The following PRKG1 variants were observed in gnomAD, a reference collection of about 807,000 sequenced individuals.
The protein encoded by PRKG1 is cGMP-dependent protein kinase 1.
PRKG1 carries 35 observed loss-of-function variants against 88.1 expected under a neutral mutation model. The observed-to-expected ratio is 0.40, with a 90% CI of 0.30 to 0.53. The LOEUF is 0.53. PRKG1 is among the 20% of genes least tolerant of loss of function. The pLI is 0.59. For synonymous variants in PRKG1, 303 were observed against 292.5 expected (o/e 1.04, Z -0.37); for missense variants, 540 against 839.8 (o/e 0.64, Z 4.41).
chr10:51,208,481 G>C (rs1217739787), intron 2 of PRKG1, among the ~76,000 whole-genome samples: 2 of 152,130 alleles, frequency 1.3e-5, no homozygotes, highest in Non-Finnish European at 2.9e-5. Context: ...TTGGTATGTA[G>C]GAATGCATGT....
chr10:51,913,890 G>A (rs1322069283), intron 5 of PRKG1, among the ~76,000 whole-genome samples: 1 of 152,092 alleles, frequency 6.6e-6, no homozygotes, highest in East Asian at 1.9e-4. Flanking sequence ...TTTATAAACT[G>A]GTTGCATTAA....
intron 2 of PRKG1, among the ~76,000 whole-genome samples, chr10:51,162,971 A>C (rs1846405534): frequency 6.6e-6 from 1 of 152,120 alleles, no homozygotes; most frequent in Non-Finnish European, 1.5e-5. Context: ...CCCTTGCCTC[A>C]GGCTCTCAAA....
chr10:51,980,522 T>C lies in PRKG1; in HGVS notation c.762+72952T>C, dbSNP rs748031853. On this transcript the variant is annotated intron_variant, in intron 5 of 17. Transcript: ENST00000373980. ...CATTTGATCCAGTACTGAGTTCAGTTCTTCAATATCTTTGTTAATTTTTTG... is the reference window on the plus strand; with the variant it reads ...CATTTGATCCAGTACTGAGTTCAGTCCTTCAATATCTTTGTTAATTTTTTG... Among the ~76,000 whole-genome samples the C allele has an allele frequency of 1.1e-3, 162 of 152,174 alleles. 4 individuals carry two copies. The highest frequency in any genetic ancestry group is 2.4e-4 in the Non-Finnish European group (16 of 68,022).
At chr10:52,041,090 C>T (rs961848239) in intron 5 of PRKG1, among the ~76,000 whole-genome samples, 5 of 152,000 alleles carry the variant, frequency 3.3e-5, no homozygotes, top group Admixed American at 6.6e-5. Context: ...CTGCCCACCT[C>T]GGCCTCCCAA....
intron 3 of PRKG1, among the ~76,000 whole-genome samples, chr10:51,633,794 T>C (rs991175174): frequency 1.3e-4 from 20 of 152,292 alleles, no homozygotes; most frequent in Admixed American, 5.9e-4. Flanking sequence ...CTTATAAATG[T>C]TGGCTCAATT....
rs554655024 is a variant in PRKG1, at chr10:51,492,192, A to G, written c.592+24356A>G. 5.3e-5 allele frequency among the ~76,000 whole-genome samples: 8 copies of G among 152,322 alleles called. No individual in the cohort carries two copies. The South Asian group carries it at 1.7e-3, about 32-fold the overall frequency. Reference sequence around the variant, plus strand: ...GCTCTAAGGTAGTTTTGAGCTGGATAGATGACACCACTGGTCCAACTTGAA... The same window carrying G: ...GCTCTAAGGTAGTTTTGAGCTGGATGGATGACACCACTGGTCCAACTTGAA... On this transcript the variant is annotated intron_variant, in intron 3 of 17. Coordinates refer to ENST00000373980, the MANE Select transcript of PRKG1 (RefSeq NM_006258.4).
chr10:51,271,244 TGAA>T (rs1166328365), intron 2 of PRKG1, among the ~76,000 whole-genome samples: 1 of 151,900 alleles, frequency 6.6e-6, no homozygotes, highest in African/African-American at 2.4e-5. Flanking sequence ...TTTATCCTAT[TGAA>T]GAAGAAATAT....
chr10:51,498,120 C>T (rs1057174902), intron 3 of PRKG1, among the ~76,000 whole-genome samples: 3 of 152,040 alleles, frequency 2.0e-5, no homozygotes, highest in African/African-American at 7.2e-5. Context: ...TTTGGAGAAC[C>T]TATTCGGTGT....
At chr10:51,031,539 G>A (rs550974892) in intron 1 of PRKG1, among the ~76,000 whole-genome samples, 1 of 152,282 alleles carries the variant, frequency 6.6e-6, no homozygotes, top group South Asian at 2.1e-4. Flanking sequence ...GGGAAAGAAT[G>A]AGGAAGAAGG....
chr10:51,427,767 A>C (rs1190917750), intron 2 of PRKG1, among the ~76,000 whole-genome samples: 3 of 152,176 alleles, frequency 2.0e-5, no homozygotes, highest in African/African-American at 4.8e-5. Flanking sequence ...CCATTTCACC[A>C]AAGGTTTCAG....
At chr10:51,535,627 A>G (rs2132102214) in intron 3 of PRKG1, among the ~76,000 whole-genome samples, 1 of 152,326 alleles carries the variant, frequency 6.6e-6, no homozygotes, top group East Asian at 1.9e-4. Context: ...CTTAAATGAG[A>G]AGGCAACAAT....
intron 1 of PRKG1, among the ~76,000 whole-genome samples, chr10:51,039,391 A>C (rs1843392231): frequency 6.6e-6 from 1 of 152,190 alleles, no homozygotes; most frequent in Non-Finnish European, 1.5e-5. Flanking sequence ...CTTTTGGGAA[A>C]TGTCTCTTCA....
At chr10:52,281,273 C>A (rs986304647) in intron 13 of PRKG1, among the ~76,000 whole-genome samples, 6 of 151,876 alleles carry the variant, frequency 4.0e-5, no homozygotes, top group African/African-American at 1.5e-4. Flanking sequence ...TTATGGAAAA[C>A]CATAAATCAT....
At chr10:51,007,255 T>G (rs1842951074) in intron 1 of PRKG1, among the ~76,000 whole-genome samples, 2 of 152,128 alleles carry the variant, frequency 1.3e-5, no homozygotes, top group African/African-American at 4.8e-5. Flanking sequence ...GGGCCTGAGA[T>G]TCTTAATTTG....
chr10:51,230,293 G>A (rs1838808526), intron 2 of PRKG1, among the ~76,000 whole-genome samples: 1 of 152,148 alleles, frequency 6.6e-6, no homozygotes, highest in African/African-American at 2.4e-5. Context: ...ATGCATAGAG[G>A]CTTTCTGGGA....
chr10:51,979,094 G>T (rs959011734), intron 5 of PRKG1, among the ~76,000 whole-genome samples: 3 of 152,066 alleles, frequency 2.0e-5, no homozygotes, highest in Non-Finnish European at 4.4e-5. Flanking sequence ...TTGTCTGCGG[G>T]ATTGTCATAG....
rs1361423620 is a variant in PRKG1, at chr10:52,095,836, T to C, written c.935+33205T>C. Among the ~76,000 whole-genome samples, 4 of 152,192 alleles carry C rather than the reference T, an allele frequency of 2.6e-5. No individual in the cohort carries two copies. The East Asian group carries it at 7.7e-4, about 29-fold the overall frequency. The stretch of plus-strand genomic sequence containing the variant: ...AGCTTTCATGTTGCTCAAATTTAGC[T>C]AGTGATCAGGTTTACTACGAATGTA... On this transcript the variant is annotated intron_variant, in intron 7 of 17. Transcript: ENST00000373980.
intron 9 of PRKG1, among the ~76,000 whole-genome samples, chr10:52,218,510 C>T (rs1026764586): frequency 3.3e-5 from 5 of 151,870 alleles, no homozygotes; most frequent in African/African-American, 1.2e-4. Flanking sequence ...CTTTTTGATT[C>T]AACATAAACT....
intron 2 of PRKG1, among the ~76,000 whole-genome samples, chr10:51,223,371 A>C (rs1838603665): frequency 6.6e-6 from 1 of 152,152 alleles, no homozygotes; most frequent in African/African-American, 2.4e-5. Context: ...TGAAGACAGA[A>C]ATTTTTGTCT....
Sources: gnomAD v4.1 joint callset for allele counts (sites outside exome capture counted in the v4.1 genomes callset) on GRCh38, gnomAD v4.1.1 for gene constraint, MANE v1.5 for transcripts, NCBI Gene and HGNC (gene_info 2026-07-23, HGNC 2026-07-21) for gene names.